The following ADAMTS2 variants were observed in gnomAD, a reference collection of about 807,000 sequenced individuals.
The protein encoded by ADAMTS2 is A disintegrin and metalloproteinase with thrombospondin motifs 2.
In ADAMTS2, 50 loss-of-function variants were observed where a neutral mutation model predicts 123.0. That is an observed-to-expected ratio of 0.41 (90% CI 0.32 to 0.51). The LOEUF (loss-of-function observed/expected upper bound fraction) is 0.51. Ranked by LOEUF, ADAMTS2 falls within the 20% of genes least tolerant of loss-of-function variation. The pLI is 0.35. For synonymous variants in ADAMTS2, 678 were observed against 695.4 expected (o/e 0.98, Z 0.39); for missense variants, 1,494 against 1,705.2 (o/e 0.88, Z 2.18).
At chr5:179,297,966 G>T (rs928177927) in intron 2 of ADAMTS2, among the ~76,000 whole-genome samples, 1 of 151,730 alleles carries the variant, frequency 6.6e-6, no homozygotes, top group Non-Finnish European at 1.5e-5. Flanking sequence ...TCCCTCCCAC[G>T]CACCAATGCC....
rs1302939671 is a variant in ADAMTS2 at position 179,132,686 on chromosome 5, C to G, written c.2209+91G>C. The G allele has an allele frequency of 6.3e-7, 1 of 1,576,522 alleles. No individual in the cohort carries two copies. Among genetic ancestry groups the G allele is most frequent in the Non-Finnish European group, 8.7e-7 (1 of 1,148,884 alleles). On this transcript the variant is annotated intron_variant, in intron 14 of 21. Coordinates refer to ENST00000251582, the MANE Select transcript of ADAMTS2 (RefSeq NM_014244.5). The surrounding 1 kb of genome is among the most constrained non-coding windows in gnomAD (Gnocchi z 6.1). Reference sequence around the variant, plus strand: ...TCCCCAGAACAGTCATAAGCCCGGACAGCCCCAGGATGAGTCAGGCCCTCA... The same window carrying G: ...TCCCCAGAACAGTCATAAGCCCGGAGAGCCCCAGGATGAGTCAGGCCCTCA...
At position 179,314,013 on chromosome 5, in the gene ADAMTS2, G is replaced by A. The variant is rs1419968341; in HGVS notation, c.534+29754C>T. On this transcript the variant is annotated intron_variant, in intron 2 of 21. Coordinates refer to ENST00000251582, the MANE Select transcript of ADAMTS2 (RefSeq NM_014244.5). This position sits in a 1 kb window ranked among gnomAD's most constrained non-coding sequence, Gnocchi z 4.5. ...AGAGGAGGGCCTGGCCGGAGCAGGG[G>A]TGTCAGCTCCAGGACCAGGAGTTCC... Among the ~76,000 whole-genome samples the A allele has an allele frequency of 6.6e-6, 1 of 152,102 alleles. No homozygotes were observed. The highest frequency in any genetic ancestry group is 1.9e-4 in the East Asian group (1 of 5,186).
intron 4 of ADAMTS2, among the ~76,000 whole-genome samples, chr5:179,191,122 C>T (rs763910139): frequency 2.6e-5 from 4 of 152,264 alleles, no homozygotes; most frequent in Non-Finnish European, 5.9e-5. Flanking sequence ...CAGAAGGACA[C>T]GGCCGAGGCC....
intron 21 of ADAMTS2, 143 bp downstream of exon 21, chr5:179,121,518 G>T (rs1201499099): frequency 3.4e-6 from 2 of 592,894 alleles, no homozygotes; most frequent in Non-Finnish European, 5.6e-6. Flanking sequence ...TCAGAGGCCC[G>T]GGAGAAAACG....
intron 2 of ADAMTS2, among the ~76,000 whole-genome samples, chr5:179,311,537 T>C (rs910328296): frequency 1.1e-4 from 16 of 152,196 alleles, no homozygotes; most frequent in African/African-American, 3.9e-4. Flanking sequence ...TTCGCCCACT[T>C]CCTTGTAAGA....
chr5:179,311,202 C>T (rs1379600494), intron 2 of ADAMTS2, among the ~76,000 whole-genome samples: 2 of 152,232 alleles, frequency 1.3e-5, no homozygotes, highest in African/African-American at 2.4e-5. Flanking sequence ...GGCCACGTCC[C>T]CATCCCTCTC....
At chr5:179,323,016 G>A (rs1757228913) in intron 2 of ADAMTS2, among the ~76,000 whole-genome samples, 1 of 152,206 alleles carries the variant, frequency 6.6e-6, no homozygotes, top group African/African-American at 2.4e-5. Context: ...GGCAGAACTT[G>A]AGCTGCCTAG....
At chr5:179,315,949 CA>C (rs1271897515) in intron 2 of ADAMTS2, among the ~76,000 whole-genome samples, 1 of 152,060 alleles carries the variant, frequency 6.6e-6, no homozygotes, top group African/African-American at 2.4e-5. Context: ...AGGAATATTT[CA>C]AAAAACAAAA....
chr5:179,187,027 A>G (rs1764188035), intron 4 of ADAMTS2, among the ~76,000 whole-genome samples: 1 of 151,802 alleles, frequency 6.6e-6, no homozygotes, highest in African/African-American at 2.4e-5. Flanking sequence ...GTCACTTCAG[A>G]TACCTCCCCA....
At chr5:179,290,758 G>A (rs765183619) in intron 2 of ADAMTS2, among the ~76,000 whole-genome samples, 5 of 152,200 alleles carry the variant, frequency 3.3e-5, no homozygotes, top group Non-Finnish European at 7.3e-5. Flanking sequence ...TGGAGTGGAG[G>A]CGCCCACTGC....
At position 179,188,701 on chromosome 5, in the gene ADAMTS2, A is replaced by G. The variant is rs1764229278; in HGVS notation, c.892-7546T>C. Among the ~76,000 whole-genome samples the G allele has an allele frequency of 6.6e-6, 1 of 151,818 alleles. No individual in the cohort carries two copies. Among genetic ancestry groups the G allele is most frequent in the African/African-American group, 2.4e-5 (1 of 41,290 alleles). On this transcript the variant is annotated intron_variant, in intron 4 of 21. Coordinates refer to ENST00000251582, the MANE Select transcript of ADAMTS2 (RefSeq NM_014244.5). The surrounding 1 kb of genome is among the most constrained non-coding windows in gnomAD (Gnocchi z 5.1). ...CTCCTTCAATACCCAGCGCAGGAACACTCTGCCCAAGGCCACCCCCTCACT... is the reference window on the plus strand; with the variant it reads ...CTCCTTCAATACCCAGCGCAGGAACGCTCTGCCCAAGGCCACCCCCTCACT...
intron 3 of ADAMTS2, among the ~76,000 whole-genome samples, chr5:179,246,508 G>T (rs1320875514): frequency 6.6e-6 from 1 of 152,172 alleles, no homozygotes; most frequent in Non-Finnish European, 1.5e-5. Flanking sequence ...GAGGAAATAA[G>T]GTTTTTGGAA....
At position 179,114,167 on chromosome 5, in the gene ADAMTS2, C is replaced by T. The variant is rs1483540841; in HGVS notation, c.3336G>A (p.Lys1112=). 1 of 1,612,244 alleles carries T rather than the reference C, an allele frequency of 6.2e-7. No individual in the cohort carries two copies. The highest frequency in any genetic ancestry group is 1.3e-5 in the African/African-American group (1 of 74,870). The part of the protein sequence containing the change: ...VEGRIEPPPG[K]HNDIDVFMPT... Reference sequence around the variant, plus strand: ...GCATGAACACGTCAATGTCGTTGTGCTTCCCAGGCGGTGGCTCTATCCTGC... The same window carrying T: ...GCATGAACACGTCAATGTCGTTGTGTTTCCCAGGCGGTGGCTCTATCCTGC... Residue 1112 remains lysine, a synonymous_variant, in exon 22 of 22, where the codon AAG becomes AAA. Transcript: ENST00000251582.
At chr5:179,194,453 G>A (rs1220026601) in intron 4 of ADAMTS2, among the ~76,000 whole-genome samples, 4 of 152,238 alleles carry the variant, frequency 2.6e-5, no homozygotes, top group Admixed American at 1.3e-4. Flanking sequence ...GGAGGACACA[G>A]TAGATCTATG....
intron 2 of ADAMTS2, among the ~76,000 whole-genome samples, chr5:179,326,663 G>A (rs1757329005): frequency 6.6e-6 from 1 of 152,052 alleles, no homozygotes; most frequent in African/African-American, 2.4e-5. Flanking sequence ...GCTGGCCCTC[G>A]CTTCATTTAA....
chr5:179,135,910 C>T lies in ADAMTS2; in HGVS notation c.2084G>A (p.Arg695Lys), dbSNP rs371401068. 6.2e-7 allele frequency: 1 copy of T among 1,613,130 alleles called. No individual in the cohort carries two copies. The highest frequency in any genetic ancestry group is 8.5e-7 in the Non-Finnish European group (1 of 1,180,024). Reference sequence around the variant, plus strand: ...CCGTGCCGGCCTCTGTGTACTCACCCTGCAGTCCCCGCGCACACAGAGGCT... The same window carrying T: ...CCGTGCCGGCCTCTGTGTACTCACCTTGCAGTCCCCGCGCACACAGAGGCT... ...AFSLCVRGDC[R>K]KVGCDGVIGS... is the part of the protein sequence containing the mutation. Residue 695 changes from arginine (R) to lysine (K), a missense_variant and splice_region_variant, in exon 13 of 22, where the codon AGG becomes AAG. By Grantham distance (26) the Arg-to-Lys change is conservative. This residue lies in a region of ADAMTS2 where 953 missense variants were observed against 1,124.7 expected (regional missense o/e 0.85). Coordinates refer to ENST00000251582, the MANE Select transcript of ADAMTS2 (RefSeq NM_014244.5).
chr5:179,192,093 G>T (rs1234898144), intron 4 of ADAMTS2, among the ~76,000 whole-genome samples: 1 of 152,178 alleles, frequency 6.6e-6, no homozygotes, highest in Non-Finnish European at 1.5e-5. Context: ...TACTCCCCAG[G>T]CATCCATGCA....
At position 179,158,686 on chromosome 5, in the gene ADAMTS2, C is replaced by T. The variant is rs1561782964; in HGVS notation, c.1132+37G>A. 1 of 1,613,634 alleles carries T rather than the reference C, an allele frequency of 6.2e-7. No homozygotes were observed. Among genetic ancestry groups the T allele is most frequent in the Non-Finnish European group, 8.5e-7 (1 of 1,179,990 alleles). ...TGCATGGCCAGGGGCTCATTTCCAG[C>T]TTCACGCCTCTGTGGCCCTGCATGG... On this transcript the variant is annotated intron_variant, in intron 6 of 21. Transcript: ENST00000251582. The surrounding 1 kb of genome is among the most constrained non-coding windows in gnomAD (Gnocchi z 5.0).
intron 5 of ADAMTS2, among the ~76,000 whole-genome samples, chr5:179,179,445 G>C (rs934630289): frequency 6.6e-6 from 1 of 151,946 alleles, no homozygotes; most frequent in African/African-American, 2.4e-5. Flanking sequence ...ATGATTCCTC[G>C]AAAAGAAGGT....
Sources: gnomAD v4.1 joint callset for allele counts (sites outside exome capture counted in the v4.1 genomes callset) on GRCh38, gnomAD v4.1.1 for gene constraint, gnomAD v4.1.1 regional missense constraint, Gnocchi (gnomAD v3.1) non-coding constraint, MANE v1.5 for transcripts, NCBI Gene and HGNC (gene_info 2026-07-23, HGNC 2026-07-21) for gene names.